Variants in ZZEF1 observed in about 807,000 individuals in gnomAD.
The protein encoded by ZZEF1 is zinc finger ZZ-type and EF-hand domain containing 1.
Under a neutral mutation model 342.8 loss-of-function variants are expected in ZZEF1, and 157 were observed. The observed-to-expected ratio is 0.46, with a 90% CI of 0.40 to 0.52. ZZEF1 has a LOEUF of 0.52. Ranked by LOEUF, ZZEF1 falls within the 20% of genes least tolerant of loss-of-function variation. The pLI is 0.00. For synonymous variants in ZZEF1, 1,505 were observed against 1,429.1 expected, an observed-to-expected ratio of 1.05 and a Z score of -1.20; for missense variants, 3,480 against 3,725.6, an observed-to-expected ratio of 0.93 and a Z score of 1.72.
chr17:4,075,643 C>T (rs927407517), intron 21 of ZZEF1, among the ~76,000 whole-genome samples: 1 of 152,176 alleles, frequency 6.6e-6, no homozygotes, highest in African/African-American at 2.4e-5. Flanking sequence ...TTTTATTACA[C>T]ACAAAAACTC....
Position 4,016,393 on chromosome 17 carries a change from A to G in ZZEF1, c.8075T>C (p.Met2692Thr), listed in dbSNP as rs765557476. ...TTGCACCTCCATTCCTGGCTCCTCC[A>G]TGAACTGGCATGCAGCCAGGGCCAT... ...GTMALAACQF[M>T]EEPGMEVQVR... The change falls in exon 49 of 55, where the codon ATG becomes ACG. Residue 2692 changes from methionine (M) to threonine (T), a missense_variant. Physicochemically the swap from Met to Thr is moderately conservative, Grantham distance 81. This residue lies in a region of ZZEF1 where 1,269 missense variants were observed against 1,342.4 expected (regional missense o/e 0.95). Coordinates refer to ENST00000381638, the MANE Select transcript of ZZEF1 (RefSeq NM_015113.4). This position sits in a 1 kb window ranked among gnomAD's most constrained non-coding sequence, Gnocchi z 4.4. 7 of 1,614,048 alleles carry G rather than the reference A, an allele frequency of 4.3e-6. No individual in the cohort carries two copies. The highest frequency in any genetic ancestry group is 1.7e-5 in the Admixed American group (1 of 60,012).
intron 1 of ZZEF1, among the ~76,000 whole-genome samples, chr17:4,142,012 T>A (rs776768520): frequency 1.3e-5 from 2 of 152,204 alleles, no homozygotes; most frequent in Non-Finnish European, 2.9e-5. Context: ...AATATATGGT[T>A]CTTTAAGGAT....
At position 4,104,795 on chromosome 17, in the gene ZZEF1, C is replaced by T. The variant is rs762823217; in HGVS notation, c.1411G>A (p.Glu471Lys). The change falls in exon 8 of 55, where the codon GAG (glutamate) becomes AAG (lysine). Residue 471 changes from glutamate to lysine, a missense_variant. By Grantham distance (56) the Glu-to-Lys change is moderately conservative. Coordinates refer to ENST00000381638, the MANE Select transcript of ZZEF1 (RefSeq NM_015113.4). ...IRITSCCSTP[E>K]VELTLLAFAL... is the part of the protein sequence containing the mutation. Reference sequence around the variant, plus strand: ...AAAGCCAGAAGAGTCAGTTCTACCTCTGGGGTAGAACAGCAGCTATAAGCA... The same window carrying T: ...AAAGCCAGAAGAGTCAGTTCTACCTTTGGGGTAGAACAGCAGCTATAAGCA... 4 of 1,613,914 alleles carry T rather than the reference C, an allele frequency of 2.5e-6. No individual in the cohort carries two copies. Among genetic ancestry groups the T allele is most frequent in the South Asian group, 1.1e-5 (1 of 91,038 alleles).
chr17:4,073,437 CTTTTG>C (rs1317085521), intron 24 of ZZEF1, among the ~76,000 whole-genome samples: 1 of 150,132 alleles, frequency 6.7e-6, no homozygotes, highest in Non-Finnish European at 1.5e-5. Context: ...CATCTTTTTC[CTTTTG>C]TTTTAAGAGA....
intron 2 of ZZEF1, among the ~76,000 whole-genome samples, chr17:4,118,934 C>A (rs115113109): frequency 2.8e-3 from 432 of 152,328 alleles, no homozygotes; most frequent in African/African-American, 9.8e-3. Context: ...TCATCAGTGT[C>A]ATGTACCAGT....
intron 52 of ZZEF1, among the ~76,000 whole-genome samples, chr17:4,010,830 AG>A (rs2055933007): frequency 1.3e-5 from 2 of 152,182 alleles, no homozygotes; most frequent in Non-Finnish European, 2.9e-5. Flanking sequence ...TCTATGCATA[AG>A]AAAAACAACA....
intron 7 of ZZEF1, 83 bp downstream of exon 7, chr17:4,105,610 T>C (rs1427752145): frequency 9.5e-7 from 1 of 1,051,342 alleles, no homozygotes; most frequent in Non-Finnish European, 1.4e-6. Context: ...CGTTAAAAGA[T>C]TAATATATAT....
chr17:4,114,508 T>C, intron 3 of ZZEF1, 38 bp from the exon 4 acceptor site: 2 of 1,394,434 alleles, frequency 1.4e-6, no homozygotes, highest in Non-Finnish European at 1.9e-6. Context: ...TGACATCCCT[T>C]TCACAAAGGG....
chr17:4,132,508 C>T (rs992003541), intron 1 of ZZEF1, among the ~76,000 whole-genome samples: 2 of 152,090 alleles, frequency 1.3e-5, no homozygotes, highest in Non-Finnish European at 2.9e-5. Flanking sequence ...ACCATCCTGG[C>T]TAACACGGTG....
chr17:4,050,520 TAA>T (rs1345824442), intron 36 of ZZEF1, among the ~76,000 whole-genome samples: 3 of 152,226 alleles, frequency 2.0e-5, no homozygotes, highest in Non-Finnish European at 4.4e-5. Context: ...TCCACAGATA[TAA>T]AGAGTTTTAA....
At chr17:4,057,063 G>T (rs2057176783) in intron 32 of ZZEF1, among the ~76,000 whole-genome samples, 1 of 152,222 alleles carries the variant, frequency 6.6e-6, no homozygotes, top group South Asian at 2.1e-4. Flanking sequence ...ATTCATTCAT[G>T]CATTCCAACG....
intron 2 of ZZEF1, among the ~76,000 whole-genome samples, chr17:4,122,666 T>C (rs2058503378): frequency 6.6e-6 from 1 of 152,202 alleles, no homozygotes; most frequent in Non-Finnish European, 1.5e-5. Flanking sequence ...ATTACAGGCG[T>C]GAGCCACTGT....
chr17:4,017,670 T>C lies in ZZEF1; in HGVS notation c.7702A>G (p.Ile2568Val). 22 of 1,613,962 alleles carry C rather than the reference T, an allele frequency of 1.4e-5. No individual in the cohort carries two copies. The highest frequency in any genetic ancestry group is 1.9e-5 in the Non-Finnish European group (22 of 1,180,034). Residue 2568 changes from isoleucine (I) to valine (V), a missense_variant, in exon 48 of 55, where the codon ATC (isoleucine) becomes GTC (valine). Around this residue, in one of 5 missense-constraint regions of ZZEF1, gnomAD observed 1,269 missense variants for 1,342.4 expected, o/e 0.95. Transcript: ENST00000381638. The surrounding 1 kb of genome is among the most constrained non-coding windows in gnomAD (Gnocchi z 5.1). ...AESNPVTQKL[I>V]SSTESELQQS... ...TGCAGTTCGCTCTCTGTGCTGGAGA[T>C]CAGCTTCTGGGTCACAGGGTTCGAT...
intron 30 of ZZEF1, among the ~76,000 whole-genome samples, chr17:4,061,185 A>T (rs1478250748): frequency 6.6e-6 from 1 of 152,194 alleles, no homozygotes; most frequent in African/African-American, 2.4e-5. Flanking sequence ...TCACATTAGT[A>T]TTTGACACAA....
At position 4,119,180 on chromosome 17, in the gene ZZEF1, C is replaced by G. The variant is rs143506344; in HGVS notation, c.500-2014G>C. On this transcript the variant is annotated intron_variant, in intron 2 of 54. Coordinates refer to ENST00000381638, the MANE Select transcript of ZZEF1 (RefSeq NM_015113.4). ...GTGTTAATTTGCTCAAGCAATGAAA[C>G]CACATCTGGTACAGCAGCTACAATC... 8.0e-3 allele frequency among the ~76,000 whole-genome samples: 1,220 copies of G among 152,320 alleles called. 14 individuals carry two copies. The highest frequency in any genetic ancestry group is 0.028 in the African/African-American group (1,163 of 41,578).
chr17:4,085,892 T>C (rs1597869795), intron 15 of ZZEF1, 89 bp from the exon 16 acceptor site: 1 of 1,514,102 alleles, frequency 6.6e-7, no homozygotes. Context: ...TTCACTACTC[T>C]CCATTTTGTA....
intron 29 of ZZEF1, 56 bp from the exon 30 acceptor site, chr17:4,062,973 G>A (rs1367879435): frequency 7.1e-6 from 11 of 1,541,524 alleles, no homozygotes; most frequent in South Asian, 2.4e-5. Context: ...TGGGGCAGAC[G>A]GAAAATATCC....
chr17:4,128,239 T>A (rs559881574), intron 1 of ZZEF1, among the ~76,000 whole-genome samples: 1 of 149,640 alleles, frequency 6.7e-6, no homozygotes, highest in South Asian at 2.1e-4. Context: ...TCCCAGCTAC[T>A]CAGGAGGCTG....
intron 4 of ZZEF1, among the ~76,000 whole-genome samples, chr17:4,113,526 G>T (rs2058347339): frequency 6.6e-6 from 1 of 152,166 alleles, no homozygotes; most frequent in African/African-American, 2.4e-5. Flanking sequence ...TTAGCTGAGT[G>T]TGGTGGTGGG....
Sources: gnomAD v4.1 joint callset for allele counts (sites outside exome capture counted in the v4.1 genomes callset) on GRCh38, gnomAD v4.1.1 for gene constraint, gnomAD v4.1.1 regional missense constraint, Gnocchi (gnomAD v3.1) non-coding constraint, MANE v1.5 for transcripts, NCBI Gene and HGNC (gene_info 2026-07-23, HGNC 2026-07-21) for gene names.